RAB4B: variants seen among roughly 807,000 people sequenced by gnomAD.
RAB4B encodes the protein RAB4B, member RAS oncogene family, also known as ras-related protein Rab-4B.
A neutral mutation model predicts 28.3 loss-of-function variants in RAB4B; 15 were observed. The observed-to-expected ratio is 0.53, with a 90% CI of 0.35 to 0.82. RAB4B has a LOEUF of 0.82. Ranked by LOEUF, RAB4B falls within the 40% of genes least tolerant of loss-of-function variation. The pLI is 0.01. For synonymous variants in RAB4B, 108 were observed against 116.3 expected, an observed-to-expected ratio of 0.93 and a Z score of 0.46; for missense variants, 244 against 288.5, an observed-to-expected ratio of 0.85 and a Z score of 1.12.
intron 3 of RAB4B, 149 bp downstream of exon 3, chr19:40,780,648 C>T: frequency 3.0e-6 from 2 of 664,230 alleles, no homozygotes; most frequent in East Asian, 2.7e-5. Context: ...TATATATATC[C>T]AAGGAGAGAG....
chr19:40,793,490 C>T (rs1345842175), intron 7 of RAB4B, among the ~76,000 whole-genome samples: 3 of 152,038 alleles, frequency 2.0e-5, no homozygotes, highest in African/African-American at 7.2e-5. Flanking sequence ...ATCCACCCAC[C>T]TCAGCCTCCC....
chr19:40,794,858 T>G (rs1389798215), intron 7 of RAB4B: 1 of 151,678 alleles, frequency 6.6e-6, no homozygotes, highest in Non-Finnish European at 1.5e-5. Flanking sequence ...TAAAGACGTG[T>G]GCCAGGCTGG....
chr19:40,783,928 A>T lies in RAB4B; in HGVS notation c.283A>T (p.Thr95Ser). 6.2e-7 allele frequency: 1 copy of T among 1,610,246 alleles called. No individual in the cohort carries two copies. The highest frequency in any genetic ancestry group is 8.5e-7 in the Non-Finnish European group (1 of 1,177,318). ...LLVYDITSRETYNSLAAWLTD... is the reference protein window; with the variant it reads ...LLVYDITSRESYNSLAAWLTD... ...CTTCTCCCTTCTCCACAGCCGGGAG[A>T]CATACAACTCACTGGCTGCCTGGCT... is the stretch of plus-strand genomic sequence containing the variant. Residue 95 changes from threonine (T) to serine (S), a missense_variant, in exon 5 of 8, where the codon ACA (threonine) becomes TCA (serine). Transcript: ENST00000357052.
At chr19:40,789,692 C>G (rs2083139034) in intron 7 of RAB4B, among the ~76,000 whole-genome samples, 1 of 151,186 alleles carries the variant, frequency 6.6e-6, no homozygotes, top group South Asian at 2.1e-4. Flanking sequence ...TTAGTAGAGA[C>G]ATTTCACCAT....
intron 7 of RAB4B, chr19:40,794,428 C>T (rs1218908866): frequency 6.6e-6 from 1 of 151,580 alleles, no homozygotes; most frequent in Non-Finnish European, 1.5e-5. Flanking sequence ...GAGATGGTGT[C>T]TATGTTGCCC....
At chr19:40,789,205 C>CT (rs948237602) in intron 7 of RAB4B, among the ~76,000 whole-genome samples, 68 of 143,642 alleles carry the variant, frequency 4.7e-4, no homozygotes, top group Middle Eastern at 3.8e-3. Context: ...CAAGAATGTA[C>CT]TTTTTTTTTT....
At chr19:40,795,341 G>C (rs940347098) in intron 7 of RAB4B, among the ~76,000 whole-genome samples, 13 of 151,586 alleles carry the variant, frequency 8.6e-5, no homozygotes, top group Non-Finnish European at 1.5e-4. Flanking sequence ...AACATAGAGG[G>C]ACACAGAAAG....
chr19:40,783,769 G>A lies in RAB4B; in HGVS notation c.213-9G>A, dbSNP rs753651967. 1.4e-6 allele frequency: 2 copies of A among 1,476,052 alleles called. No individual in the cohort carries two copies. Among genetic ancestry groups the A allele is most frequent in the Non-Finnish European group, 1.8e-6 (2 of 1,100,074 alleles). 91.4% of individuals were successfully genotyped at this position (1,476,052 alleles called of 1,614,324 possible). The stretch of plus-strand genomic sequence containing the variant: ...CCTTGGGGGTGACTGGGTCCCCCTG[G>A]CCCCACAGGTCAGTGACGCGGAGTT... On this transcript the variant is annotated splice_polypyrimidine_tract_variant and intron_variant, in intron 3 of 7. Transcript: ENST00000357052.
In RAB4B at chr19:40,786,951, G is replaced by A. The variant is rs775805821; in HGVS notation, c.630G>A (p.Pro210=). 2.0e-5 allele frequency: 32 copies of A among 1,613,774 alleles called. No homozygotes were observed. The highest frequency in any genetic ancestry group is 1.7e-4 in the Admixed American group (10 of 59,986). The stretch of plus-strand genomic sequence containing the variant: ...GTGCCCAGGCCGTGGCCCCTCAGCC[G>A]TGTGGCTGCTGAGCTCTGTGGAGCC... ...PRSAQAVAPQ[P]CGC is the part of the protein sequence containing the mutation. Residue 210 remains proline (P), a synonymous_variant, in exon 7 of 8, where the codon CCG becomes CCA. Coordinates refer to ENST00000357052, the MANE Select transcript of RAB4B (RefSeq NM_016154.5).
intron 5 of RAB4B, among the ~76,000 whole-genome samples, chr19:40,784,790 A>G (rs2083083000): frequency 6.6e-6 from 1 of 150,492 alleles, no homozygotes; most frequent in South Asian, 2.1e-4. Context: ...CTTCCTGGGT[A>G]TTGGTTTAAT....
chr19:40,779,898 A>G (rs778668639), intron 1 of RAB4B, 121 bp from the exon 2 acceptor site: 12 of 1,576,596 alleles, frequency 7.6e-6, no homozygotes, highest in Non-Finnish European at 1.0e-5. Context: ...GTTTCTGCCT[A>G]TGTCTGTTTC....
intron 3 of RAB4B, among the ~76,000 whole-genome samples, chr19:40,783,468 G>GAAAGAGACACAGAGAGAA (rs1448939946): frequency 1.3e-5 from 2 of 152,088 alleles, no homozygotes; most frequent in Non-Finnish European, 2.9e-5. Flanking sequence ...AGACACACAT[G>GAAAGAGACACAGAGAGAA]AAAGAGACAC....
intron 5 of RAB4B, 47 bp from the exon 6 acceptor site, chr19:40,786,618 G>A: frequency 6.2e-7 from 1 of 1,610,086 alleles, no homozygotes; most frequent in Non-Finnish European, 8.5e-7. Flanking sequence ...CTCAGTGGAG[G>A]GTGGGGACTA....
intron 5 of RAB4B, 166 bp from the exon 6 acceptor site, chr19:40,786,499 A>G (rs2604894): frequency 0.55 from 546,968 of 989,550 alleles, 153,208 homozygotes; most frequent in East Asian, 0.67. Flanking sequence ...GGGTGGGCAT[A>G]TCGGGAAGCG....
chr19:40,784,788 G>A (rs1359918499), intron 5 of RAB4B, among the ~76,000 whole-genome samples: 2 of 151,296 alleles, frequency 1.3e-5, no homozygotes, highest in Non-Finnish European at 2.9e-5. Flanking sequence ...ACCTTCCTGG[G>A]TATTGGTTTA....
rs529281372 is a variant in RAB4B at position 40,779,758 on chromosome 19, C to T, written c.17-261C>T. ...AAACTCTGTCTCAAAAAAACAAAAA[C>T]AACGACAAAAAAACCCCTGCACATG... is the stretch of plus-strand genomic sequence containing the variant. On this transcript the variant is annotated intron_variant, in intron 1 of 7. Transcript: ENST00000357052. The T allele has an allele frequency of 4.2e-3, 3,499 of 837,328 alleles. 14 individuals carry two copies. Among genetic ancestry groups the T allele is most frequent in the Non-Finnish European group, 4.9e-3 (3,025 of 617,092 alleles). The allele number at this position is 837,328 out of a possible 1,614,324, so 51.9% of individuals were successfully genotyped here. A position where few individuals can be genotyped will look rare whatever the true frequency, so the allele number is the denominator to read the frequency against.
At chr19:40,780,226 T>G in intron 2 of RAB4B, 127 bp downstream of exon 2, 1 of 1,480,190 alleles carries the variant, frequency 6.8e-7, no homozygotes, top group Non-Finnish European at 9.1e-7. Flanking sequence ...TTTTTGGTCC[T>G]TGCTTTGTCG....
chr19:40,781,063 G>A (rs1387960184), intron 3 of RAB4B, among the ~76,000 whole-genome samples: 2 of 142,810 alleles, frequency 1.4e-5, no homozygotes, highest in African/African-American at 5.2e-5. Context: ...ATCACTTGAA[G>A]TCAGGAGTTC....
intron 3 of RAB4B, among the ~76,000 whole-genome samples, chr19:40,781,761 C>T (rs1332179745): frequency 6.6e-6 from 1 of 152,048 alleles, no homozygotes; most frequent in Non-Finnish European, 1.5e-5. Flanking sequence ...GTGGCTCATG[C>T]CTGTAATTCC....
Sources: gnomAD v4.1 joint callset for allele counts (sites outside exome capture counted in the v4.1 genomes callset) on GRCh38, gnomAD v4.1.1 for gene constraint, MANE v1.5 for transcripts, NCBI Gene and HGNC (gene_info 2026-07-23, HGNC 2026-07-21) for gene names.